The following BRINP3 variants were observed in gnomAD, a reference collection of about 807,000 sequenced individuals.
BRINP3 encodes BMP/retinoic acid inducible neural specific 3.
A neutral mutation model predicts 71.0 loss-of-function variants in BRINP3; 19 were observed. That is an observed-to-expected ratio of 0.27 (90% CI 0.19 to 0.39). BRINP3 has a LOEUF of 0.39. Ranked by LOEUF, BRINP3 falls within the 10% of genes least tolerant of loss-of-function variation. The pLI, the probability that BRINP3 is intolerant of heterozygous loss-of-function variation, is 1.00. For synonymous variants in BRINP3, 380 were observed against 337.7 expected (o/e 1.13, Z -1.37); for missense variants, 959 against 940.8 (o/e 1.02, Z -0.25).
At chr1:190,234,891 T>C (rs1658369638) in intron 4 of BRINP3, among the ~76,000 whole-genome samples, 1 of 152,174 alleles carries the variant, frequency 6.6e-6, no homozygotes. Context: ...ACTGATTTTA[T>C]TATTTTCTTT....
intron 2 of BRINP3, among the ~76,000 whole-genome samples, chr1:190,405,471 AAAAAAAAAAAAAAAAAAAAAAC>A (rs1259560505): frequency 0.04 from 3,909 of 97,174 alleles, 261 homozygotes; most frequent in Non-Finnish European, 0.049. Context: ...AAAAAAAAAA[AAAAAAAAAAAAAAAAAAAAAAC>A]CAGAATCAGA....
intron 2 of BRINP3, among the ~76,000 whole-genome samples, chr1:190,407,018 A>G (rs991172035): frequency 1.3e-5 from 2 of 152,198 alleles, no homozygotes; most frequent in Non-Finnish European, 2.9e-5. Context: ...AATGTATGCC[A>G]GTTCATCTAA....
rs1657363162 is a variant in BRINP3 at position 190,226,222 on chromosome 1, T to C, written c.821A>G (p.Lys274Arg). Reference sequence around the variant, plus strand: ...ACAGTGACACCAGCAGTCATTTTCCTTGCAGATAAACTCTCCCTCTGAATT... The same window carrying C: ...ACAGTGACACCAGCAGTCATTTTCCCTGCAGATAAACTCTCCCTCTGAATT... Reference protein sequence around the residue: ...ACNSEGEFICKENDCWCHCGP... With the variant: ...ACNSEGEFICRENDCWCHCGP... The change falls in exon 6 of 8, where the codon AAG becomes AGG. Residue 274 changes from lysine to arginine, a missense_variant. Transcript: ENST00000367462. 6.2e-7 allele frequency: 1 copy of C among 1,612,622 alleles called. No homozygotes were observed. Among genetic ancestry groups the C allele is most frequent in the Admixed American group, 1.7e-5 (1 of 59,788 alleles).
At chr1:190,472,217 G>GA (rs1677183090) in intron 1 of BRINP3, among the ~76,000 whole-genome samples, 1 of 151,610 alleles carries the variant, frequency 6.6e-6, no homozygotes, top group Non-Finnish European at 1.5e-5. Flanking sequence ...TGAGAGATGA[G>GA]AAAAATAAAT....
chr1:190,388,495 A>T (rs1304445085), intron 2 of BRINP3, among the ~76,000 whole-genome samples: 1 of 151,864 alleles, frequency 6.6e-6, no homozygotes, highest in African/African-American at 2.4e-5. Context: ...AGTGAATGCC[A>T]TGTTATGACA....
chr1:190,197,864 G>A (rs572435300), intron 6 of BRINP3, among the ~76,000 whole-genome samples: 1 of 152,172 alleles, frequency 6.6e-6, no homozygotes, highest in African/African-American at 2.4e-5. Context: ...CAGTTTTCCA[G>A]TAGGGACTCT....
At chr1:190,419,288 GATTGA>G (rs553815434) in intron 2 of BRINP3, among the ~76,000 whole-genome samples, 93 of 151,976 alleles carry the variant, frequency 6.1e-4, no homozygotes, top group Non-Finnish European at 9.3e-4. Context: ...ACCAATTTAT[GATTGA>G]ATTAAGAGTT....
At chr1:190,170,089 T>C (rs1322292372) in intron 6 of BRINP3, among the ~76,000 whole-genome samples, 1 of 152,126 alleles carries the variant, frequency 6.6e-6, no homozygotes, top group East Asian at 1.9e-4. Flanking sequence ...AATAAAATTA[T>C]TATTCCCTAC....
chr1:190,273,391 A>G (rs1293456488), intron 3 of BRINP3, among the ~76,000 whole-genome samples: 1 of 151,620 alleles, frequency 6.6e-6, no homozygotes, highest in Non-Finnish European at 1.5e-5. Context: ...ATGATTCAAC[A>G]TTCTGAGTCT....
chr1:190,389,811 G>A (rs1671138440), intron 2 of BRINP3, among the ~76,000 whole-genome samples: 2 of 151,772 alleles, frequency 1.3e-5, no homozygotes, highest in South Asian at 4.1e-4. Flanking sequence ...GTAAGAACAG[G>A]ATAAATGGTT....
chr1:190,222,084 C>G (rs908063809), intron 6 of BRINP3, among the ~76,000 whole-genome samples: 1 of 151,914 alleles, frequency 6.6e-6, no homozygotes, highest in Non-Finnish European at 1.5e-5. Context: ...ATGACATTAA[C>G]AAAACATTTC....
intron 1 of BRINP3, among the ~76,000 whole-genome samples, 164 bp from the exon 2 acceptor site, chr1:190,455,104 A>G (rs1289192914): frequency 6.6e-6 from 1 of 152,190 alleles, no homozygotes; most frequent in South Asian, 2.1e-4. Context: ...TTAGAGCTGT[A>G]TATCTTTTAT....
intron 7 of BRINP3, among the ~76,000 whole-genome samples, chr1:190,104,016 T>C (rs949449620): frequency 6.6e-6 from 1 of 151,920 alleles, no homozygotes; most frequent in Non-Finnish European, 1.5e-5. Flanking sequence ...TAGTTACATA[T>C]CTATTAAGCA....
intron 4 of BRINP3, among the ~76,000 whole-genome samples, chr1:190,249,090 C>A (rs1425769991): frequency 4.0e-5 from 6 of 151,486 alleles, no homozygotes; most frequent in Non-Finnish European, 8.8e-5. Context: ...AGTTCAACTG[C>A]AAGAATATTA....
chr1:190,154,709 TCAAAA>T (rs1656712179), intron 7 of BRINP3, among the ~76,000 whole-genome samples: 1 of 152,122 alleles, frequency 6.6e-6, no homozygotes, highest in South Asian at 2.1e-4. Flanking sequence ...AATCTGCATG[TCAAAA>T]CAAGACACAT....
At chr1:190,371,878 T>G (rs1669890693) in intron 2 of BRINP3, among the ~76,000 whole-genome samples, 1 of 152,118 alleles carries the variant, frequency 6.6e-6, no homozygotes, top group Non-Finnish European at 1.5e-5. Context: ...ATCTCCACCT[T>G]GGAATATGAG....
At chr1:190,329,747 C>G (rs1370875875) in intron 2 of BRINP3, among the ~76,000 whole-genome samples, 2 of 151,978 alleles carry the variant, frequency 1.3e-5, no homozygotes, top group Admixed American at 1.3e-4. Flanking sequence ...AAACTTAAAA[C>G]TATACTACGA....
intron 2 of BRINP3, among the ~76,000 whole-genome samples, chr1:190,448,468 T>C (rs200938100): frequency 1.3e-4 from 18 of 141,506 alleles, no homozygotes; most frequent in Non-Finnish European, 2.4e-4. Context: ...GGGGTTTGTG[T>C]GTGTGTGTGT....
intron 2 of BRINP3, among the ~76,000 whole-genome samples, chr1:190,434,176 T>C (rs1674296748): frequency 6.6e-6 from 1 of 152,104 alleles, no homozygotes; most frequent in South Asian, 2.1e-4. Flanking sequence ...TGAAGTGCAG[T>C]GGCCAGATCT....
Sources: gnomAD v4.1 joint callset for allele counts (sites outside exome capture counted in the v4.1 genomes callset) on GRCh38, gnomAD v4.1.1 for gene constraint, MANE v1.5 for transcripts, NCBI Gene and HGNC (gene_info 2026-07-23, HGNC 2026-07-21) for gene names.